Variants in ZNF436 observed in about 807,000 individuals in gnomAD.
ZNF436 encodes DNA-binding protein.
In ZNF436, 22 loss-of-function variants were observed where a neutral mutation model predicts 41.9. That is an observed-to-expected ratio of 0.53 (90% CI 0.38 to 0.75). The LOEUF is 0.75. Ranked by LOEUF, ZNF436 falls within the 30% of genes least tolerant of loss-of-function variation. ZNF436 has a pLI of 0.00. For missense variants in ZNF436, 506 were observed against 587.3 expected, an observed-to-expected ratio of 0.86 and a Z score of 1.43; for synonymous variants, 217 against 197.8, an observed-to-expected ratio of 1.10 and a Z score of -0.82.
chr1:23,368,012 C>G lies in ZNF436; in HGVS notation c.-7G>C. The G allele has an allele frequency of 6.2e-7, 1 of 1,613,864 alleles. No homozygotes were observed. Among genetic ancestry groups the G allele is most frequent in the Non-Finnish European group, 8.5e-7 (1 of 1,179,958 alleles). On this transcript the variant is annotated 5_prime_UTR_variant, in exon 2 of 4. Coordinates refer to ENST00000314011, the MANE Select transcript of ZNF436 (RefSeq NM_001077195.2). Reference sequence around the variant, plus strand: ...TGAGCAGGGTGGCTGCCATCTCGAGCACAAGGGTTCGCCTCCAGGGAGAGA... The same window carrying G: ...TGAGCAGGGTGGCTGCCATCTCGAGGACAAGGGTTCGCCTCCAGGGAGAGA...
chr1:23,364,041 C>T (rs1638305232), intron 3 of ZNF436, among the ~76,000 whole-genome samples: 1 of 140,626 alleles, frequency 7.1e-6, no homozygotes, highest in African/African-American at 2.7e-5. Context: ...GACCCTGTCT[C>T]TTAAAAAAAA....
rs1638233550 is a variant in ZNF436, at chr1:23,361,717, G to C, written c.*252C>G. ...ACCAGCATTTGTCCCCTGGTCTTCA[G>C]ATTTCCAGTTACTTGTGGGGCTGCT... On this transcript the variant is annotated 3_prime_UTR_variant, in exon 4 of 4. Transcript: ENST00000314011. 1 of 386,402 alleles carries C rather than the reference G, an allele frequency of 2.6e-6. No homozygotes were observed. Among genetic ancestry groups the C allele is most frequent in the African/African-American group, 2.1e-5 (1 of 48,234 alleles). The allele number at this position is 386,402 out of a possible 1,614,324, so 23.9% of individuals were successfully genotyped here.
rs573661864 is a variant in ZNF436 at position 23,359,474 on chromosome 1, A to C, written c.*2495T>G. On this transcript the variant is annotated 3_prime_UTR_variant, in exon 4 of 4. Coordinates refer to ENST00000314011, the MANE Select transcript of ZNF436 (RefSeq NM_001077195.2). ...GACTTTAAAAATTATATTTTTAATT[A>C]TAGAATATTGTTAGAATAATACAAA... 5.6e-4 allele frequency: 86 copies of C among 152,332 alleles called. No individual in the cohort carries two copies. Among genetic ancestry groups the C allele is most frequent in the African/African-American group, 2.0e-3 (84 of 41,574 alleles). 9.4% of individuals were successfully genotyped at this position (152,332 alleles called of 1,614,324 possible).
rs1251340170 is a variant in ZNF436, at chr1:23,361,388, TGAGAAG to T, written c.*575_*580del. On this transcript the variant is annotated 3_prime_UTR_variant, in exon 4 of 4. Coordinates refer to ENST00000314011, the MANE Select transcript of ZNF436 (RefSeq NM_001077195.2). ...CTTTAAAGGAGCTAATTAGAAACAA[TGAGAAG>T]GAGAAAAGTTACAATCATTGCCTTC... 6.5e-6 allele frequency: 1 copy of T among 152,696 alleles called. No individual in the cohort carries two copies. The highest frequency in any genetic ancestry group is 2.4e-5 in the African/African-American group (1 of 41,416). 9.5% of individuals were successfully genotyped at this position (152,696 alleles called of 1,614,324 possible).
rs1638373632 is a variant in ZNF436 at position 23,367,035 on chromosome 1, T to A, written c.160+7A>T. The A allele has an allele frequency of 6.2e-7, 1 of 1,608,712 alleles. No homozygotes were observed. The highest frequency in any genetic ancestry group is 1.3e-5 in the African/African-American group (1 of 74,710). ...TGGAGGCAAAGAAAGGTAGAATCCTTACTTACCTAGTGAGACAACATTTCC... is the reference window on the plus strand; with the variant it reads ...TGGAGGCAAAGAAAGGTAGAATCCTAACTTACCTAGTGAGACAACATTTCC... On this transcript the variant is annotated splice_region_variant and intron_variant, in intron 3 of 3. Transcript: ENST00000314011.
At chr1:23,364,362 C>T (rs34577632) in intron 3 of ZNF436, among the ~76,000 whole-genome samples, 7,365 of 152,166 alleles carry the variant, frequency 0.048, 299 homozygotes, top group Non-Finnish European at 0.076. Flanking sequence ...CTCATCTTTC[C>T]GAGTAGCTGG....
At chr1:23,366,930 A>T in intron 3 of ZNF436, 112 bp downstream of exon 3, 1 of 1,234,456 alleles carries the variant, frequency 8.1e-7, no homozygotes, top group Non-Finnish European at 1.1e-6. Flanking sequence ...TCAAGCCAAT[A>T]TCCAATTAAG....
chr1:23,367,368 C>T (rs540706850), intron 2 of ZNF436, among the ~76,000 whole-genome samples, 200 bp from the exon 3 acceptor site: 1 of 152,178 alleles, frequency 6.6e-6, no homozygotes, highest in Admixed American at 6.5e-5. Context: ...GCCAGCTATC[C>T]CTGCCCCACT....
In ZNF436 at chr1:23,362,912, T is replaced by C; in HGVS notation, c.470A>G (p.Gln157Arg). The change falls in exon 4 of 4, where the codon CAG becomes CGG. Residue 157 changes from glutamine (Q) to arginine (R), a missense_variant. Gln to Arg is a conservative substitution (Grantham distance 43, BLOSUM62 1). This residue lies in a region of ZNF436 where 228 missense variants were observed against 215.1 expected (regional missense o/e 1.06). Coordinates refer to ENST00000314011, the MANE Select transcript of ZNF436 (RefSeq NM_001077195.2). ...FSQISDLNRH[Q>R]KTHTGDRPYK... ...GGGTCTGTCTCCAGTGTGGGTCTTCTGATGTCGATTAAGGTCTGAGATCTG... is the reference window on the plus strand; with the variant it reads ...GGGTCTGTCTCCAGTGTGGGTCTTCCGATGTCGATTAAGGTCTGAGATCTG... 6.2e-7 allele frequency: 1 copy of C among 1,614,238 alleles called. No homozygotes were observed. Among genetic ancestry groups the C allele is most frequent in the Non-Finnish European group, 8.5e-7 (1 of 1,180,044 alleles).
chr1:23,363,490 T>C (rs6682738), intron 3 of ZNF436, among the ~76,000 whole-genome samples: 260 of 152,308 alleles, frequency 1.7e-3, no homozygotes, highest in African/African-American at 5.8e-3. Flanking sequence ...GGTTTCACTA[T>C]ATTGGTCAGG....
Position 23,362,230 on chromosome 1 carries a change from G to A in ZNF436, c.1152C>T (p.His384=). ...SSHLITHQKI[H]TGEKPYECNE... Reference sequence around the variant, plus strand: ...TACACTCATAAGGCTTCTCTCCAGTGTGAATTTTCTGGTGTGTGATGAGAT... The same window carrying A: ...TACACTCATAAGGCTTCTCTCCAGTATGAATTTTCTGGTGTGTGATGAGAT... Residue 384 remains histidine (H), a synonymous_variant, in exon 4 of 4, where the codon CAC becomes CAT. Coordinates refer to ENST00000314011, the MANE Select transcript of ZNF436 (RefSeq NM_001077195.2). 6.2e-7 allele frequency: 1 copy of A among 1,614,196 alleles called. No homozygotes were observed. Among genetic ancestry groups the A allele is most frequent in the Non-Finnish European group, 8.5e-7 (1 of 1,180,028 alleles).
At position 23,368,319 on chromosome 1, in the gene ZNF436, G is replaced by A. The variant is rs558327248; in HGVS notation, c.-60-254C>T. On this transcript the variant is annotated intron_variant, in intron 1 of 3. Coordinates refer to ENST00000314011, the MANE Select transcript of ZNF436 (RefSeq NM_001077195.2). ...GGGGTTAGACCGCTGCTGTCTCAGG[G>A]AGGAGGTGCTCAGCTCAGCCCAGGG... The A allele has an allele frequency of 1.1e-3, 390 of 370,084 alleles. 1 individual carries two copies. The highest frequency in any genetic ancestry group is 1.3e-3 in the Non-Finnish European group (256 of 199,470). The allele number at this position is 370,084 out of a possible 1,614,324, so 22.9% of individuals were successfully genotyped here.
rs746722575 is a variant in ZNF436, at chr1:23,369,480, G to T, written c.-175C>A. ...CTGGCGTTCAGGAAGATTCTAGAGA[G>T]CACGGGCAGGTCCCGGAGGTCTCAG... is the stretch of plus-strand genomic sequence containing the variant. On this transcript the variant is annotated 5_prime_UTR_variant, in exon 1 of 4. Coordinates refer to ENST00000314011, the MANE Select transcript of ZNF436 (RefSeq NM_001077195.2). 1 of 532,360 alleles carries T rather than the reference G, an allele frequency of 1.9e-6. No individual in the cohort carries two copies. The highest frequency in any genetic ancestry group is 3.9e-6 in the Non-Finnish European group (1 of 258,058). 33.0% of individuals were successfully genotyped at this position (532,360 alleles called of 1,614,324 possible).
chr1:23,361,376 A>C lies in ZNF436; in HGVS notation c.*593T>G, dbSNP rs576564139. ...CAAAGATGCAAGCTTTAAAGGAGCTAATTAGAAACAATGAGAAGGAGAAAA... is the reference window on the plus strand; with the variant it reads ...CAAAGATGCAAGCTTTAAAGGAGCTCATTAGAAACAATGAGAAGGAGAAAA... On this transcript the variant is annotated 3_prime_UTR_variant, in exon 4 of 4. Coordinates refer to ENST00000314011, the MANE Select transcript of ZNF436 (RefSeq NM_001077195.2). The C allele has an allele frequency of 1.3e-5, 2 of 152,762 alleles. No individual in the cohort carries two copies. The highest frequency in any genetic ancestry group is 2.9e-5 in the Non-Finnish European group (2 of 68,144). 9.5% of individuals were successfully genotyped at this position (152,762 alleles called of 1,614,324 possible).
chr1:23,360,691 C>T lies in ZNF436; in HGVS notation c.*1278G>A, dbSNP rs1016293936. On this transcript the variant is annotated 3_prime_UTR_variant, in exon 4 of 4. Coordinates refer to ENST00000314011, the MANE Select transcript of ZNF436 (RefSeq NM_001077195.2). ...TAATTCATTCTGAGAATAGGACAAT[C>T]GACCTATTTGTCTGGTCATTATCTT... 7.2e-5 allele frequency: 11 copies of T among 152,624 alleles called. No homozygotes were observed. The highest frequency in any genetic ancestry group is 3.2e-3 in the Middle Eastern group (1 of 316). The allele number at this position is 152,624 out of a possible 1,614,324, so 9.5% of individuals were successfully genotyped here. A position where few individuals can be genotyped will look rare whatever the true frequency, so the allele number is the denominator to read the frequency against.
chr1:23,365,961 T>G (rs1258291828), intron 3 of ZNF436, among the ~76,000 whole-genome samples: 1 of 150,306 alleles, frequency 6.7e-6, no homozygotes, highest in East Asian at 2.0e-4. Context: ...TTAAACCCAT[T>G]CCCATTCCCA....
At chr1:23,367,787 ACAG>A (rs1638394531) in intron 2 of ZNF436, among the ~76,000 whole-genome samples, 183 bp downstream of exon 2, 1 of 152,348 alleles carries the variant, frequency 6.6e-6, no homozygotes, top group Admixed American at 6.5e-5. Flanking sequence ...TTAAAGGCAT[ACAG>A]CAGGTGTTCG....
Position 23,362,001 on chromosome 1 carries a change from G to C in ZNF436, c.1381C>G (p.Leu461Val). 1 of 1,612,436 alleles carries C rather than the reference G, an allele frequency of 6.2e-7. No individual in the cohort carries two copies. The highest frequency in any genetic ancestry group is 8.5e-7 in the Non-Finnish European group (1 of 1,179,168). ...CEKSFSRSSA[L>V]IKHKRVHTD ...GTATGAACTCTCTTATGTTTAATAA[G>C]AGCTGAGCTCCTGCTGAAACTCTTC... Residue 461 changes from leucine to valine, a missense_variant, in exon 4 of 4, where the codon CTT becomes GTT. Leu to Val is a conservative substitution (Grantham distance 32). Transcript: ENST00000314011.
In ZNF436 at chr1:23,361,677, C is replaced by G. The variant is rs1260816200; in HGVS notation, c.*292G>C. 4 of 291,772 alleles carry G rather than the reference C, an allele frequency of 1.4e-5. No individual in the cohort carries two copies. Among genetic ancestry groups the G allele is most frequent in the Non-Finnish European group, 2.6e-5 (4 of 156,178 alleles). The allele number at this position is 291,772 out of a possible 1,614,324, so 18.1% of individuals were successfully genotyped here. ...AACATTGAAAGATTTACTCCATTTC[C>G]AGGCCTAAGCATTCACCAGCATTTG... On this transcript the variant is annotated 3_prime_UTR_variant, in exon 4 of 4. Transcript: ENST00000314011.
Sources: allele counts gnomAD v4.1 joint callset (sites outside exome capture counted in the v4.1 genomes callset), GRCh38; gene constraint gnomAD v4.1.1; regional missense constraint gnomAD v4.1.1; transcripts MANE v1.5; gene names NCBI Gene and HGNC (gene_info 2026-07-23, HGNC 2026-07-21).